Variants in GPC5 observed in about 807,000 individuals in gnomAD.
The protein encoded by GPC5 is glypican 5.
A neutral mutation model predicts 53.9 loss-of-function variants in GPC5; 47 were observed. That is an observed-to-expected ratio of 0.87 (90% CI 0.69 to 1.11). GPC5 has a LOEUF of 1.11. GPC5 is among the 50% of genes most tolerant of loss of function. The pLI is 0.00. For synonymous variants in GPC5, 286 were observed against 263.3 expected (o/e 1.09, Z -0.84); for missense variants, 748 against 713.1 (o/e 1.05, Z -0.56).
intron 7 of GPC5, among the ~76,000 whole-genome samples, chr13:92,440,710 C>T (rs1422435631): frequency 6.6e-6 from 1 of 152,146 alleles, no homozygotes; most frequent in Non-Finnish European, 1.5e-5. Context: ...AGTTTACATT[C>T]TCAGTATATA....
intron 7 of GPC5, among the ~76,000 whole-genome samples, chr13:92,517,711 A>T: frequency 6.6e-6 from 1 of 152,200 alleles, no homozygotes; most frequent in Non-Finnish European, 1.5e-5. Context: ...AAAGGTAGAT[A>T]AAACCACAAA....
intron 6 of GPC5, among the ~76,000 whole-genome samples, chr13:92,004,281 C>A (rs2040583172): frequency 6.6e-6 from 1 of 150,890 alleles, no homozygotes; most frequent in Non-Finnish European, 1.5e-5. Flanking sequence ...CCTGTCTCTA[C>A]TAAAAATACA....
At chr13:92,789,104 T>C (rs149341895) in intron 7 of GPC5, among the ~76,000 whole-genome samples, 83 of 152,288 alleles carry the variant, frequency 5.5e-4, no homozygotes, top group African/African-American at 1.7e-3. Context: ...ATGGCCCAAC[T>C]CCTGTACCTT....
chr13:92,186,549 TAGTA>T (rs1456443171), intron 7 of GPC5, among the ~76,000 whole-genome samples: 3 of 152,110 alleles, frequency 2.0e-5, no homozygotes, highest in Admixed American at 1.3e-4. Flanking sequence ...CACAAATGCT[TAGTA>T]AGGTTTTAAA....
At chr13:92,847,434 G>A (rs997181331) in intron 7 of GPC5, among the ~76,000 whole-genome samples, 7 of 151,998 alleles carry the variant, frequency 4.6e-5, no homozygotes, top group Non-Finnish European at 1.0e-4. Flanking sequence ...TTACATCATG[G>A]GGGTGGATTT....
intron 5 of GPC5, among the ~76,000 whole-genome samples, chr13:91,823,994 A>C (rs1048080173): frequency 6.6e-6 from 1 of 152,090 alleles, no homozygotes. Context: ...AATCGAGACC[A>C]TTCTTCAGGA....
At chr13:91,424,606 A>T (rs1443893974) in intron 1 of GPC5, among the ~76,000 whole-genome samples, 1 of 152,054 alleles carries the variant, frequency 6.6e-6, no homozygotes, top group Non-Finnish European at 1.5e-5. Flanking sequence ...ACCTCAGGTG[A>T]TCCACCCGCC....
intron 7 of GPC5, among the ~76,000 whole-genome samples, chr13:92,280,953 G>A (rs976065549): frequency 2.3e-4 from 35 of 152,294 alleles, no homozygotes; most frequent in African/African-American, 7.9e-4. Context: ...GCAAGGCATC[G>A]CCTCACCCAG....
chr13:92,208,153 A>G (rs551548852), intron 7 of GPC5, among the ~76,000 whole-genome samples: 15 of 152,196 alleles, frequency 9.9e-5, no homozygotes, highest in Non-Finnish European at 2.1e-4. Context: ...GGCCACCTCA[A>G]GCCAGTTCAA....
intron 6 of GPC5, among the ~76,000 whole-genome samples, chr13:92,071,012 C>A (rs528228628): frequency 6.6e-6 from 1 of 151,826 alleles, no homozygotes; most frequent in Non-Finnish European, 1.5e-5. Flanking sequence ...CTGAGGCGGG[C>A]GGATCACGAG....
rs981727452 is a variant in GPC5, at chr13:92,377,483, G to A, written c.1561+232494G>A. Reference sequence around the variant, plus strand: ...TAATATGGAAGTTATAACTAGAAAAGTTTAGTAATAATTTATTTTCAATTG... The same window carrying A: ...TAATATGGAAGTTATAACTAGAAAAATTTAGTAATAATTTATTTTCAATTG... On this transcript the variant is annotated intron_variant, in intron 7 of 7. Coordinates refer to ENST00000377067, the MANE Select transcript of GPC5 (RefSeq NM_004466.6). 7.2e-5 allele frequency among the ~76,000 whole-genome samples: 11 copies of A among 152,140 alleles called. 1 individual carries two copies. The highest frequency in any genetic ancestry group is 2.7e-4 in the African/African-American group (11 of 41,424).
At position 92,592,598 on chromosome 13, in the gene GPC5, T is replaced by C. The variant is rs184977317; in HGVS notation, c.1562-273684T>C. On this transcript the variant is annotated intron_variant, in intron 7 of 7. Coordinates refer to ENST00000377067, the MANE Select transcript of GPC5 (RefSeq NM_004466.6). ...AACAAATCTGTTGATTATCTGGAGA[T>C]GATAAGTGGCATGAAGAAAAATGAA... Among the ~76,000 whole-genome samples the C allele has an allele frequency of 1.3e-3, 200 of 151,390 alleles. 7 individuals carry two copies. The highest frequency in any genetic ancestry group is 2.5e-3 in the Non-Finnish European group (166 of 67,628).
At chr13:92,268,769 T>A (rs2042820271) in intron 7 of GPC5, among the ~76,000 whole-genome samples, 1 of 152,110 alleles carries the variant, frequency 6.6e-6, no homozygotes, top group Non-Finnish European at 1.5e-5. Context: ...CTAAACAGTA[T>A]CAGGTTAAAT....
intron 7 of GPC5, among the ~76,000 whole-genome samples, chr13:92,742,426 G>A (rs1889128178): frequency 6.6e-6 from 1 of 152,042 alleles, no homozygotes; most frequent in Admixed American, 6.6e-5. Flanking sequence ...ACTTTTTCAT[G>A]GGGTTGTTTG....
At chr13:91,881,388 T>C (rs992347327) in intron 5 of GPC5, among the ~76,000 whole-genome samples, 1 of 152,146 alleles carries the variant, frequency 6.6e-6, no homozygotes, top group Non-Finnish European at 1.5e-5. Context: ...TAATTATTAA[T>C]ATACACCCAA....
intron 5 of GPC5, among the ~76,000 whole-genome samples, chr13:91,877,250 A>G (rs932628693): frequency 6.6e-6 from 1 of 152,206 alleles, no homozygotes; most frequent in Non-Finnish European, 1.5e-5. Context: ...TGAAGCTGTG[A>G]GAAGAGGGCT....
intron 2 of GPC5, among the ~76,000 whole-genome samples, chr13:91,532,956 T>C (rs891614278): frequency 6.6e-6 from 1 of 152,192 alleles, no homozygotes; most frequent in African/African-American, 2.4e-5. Context: ...ATATTTTCAG[T>C]TCTCATTGTA....
chr13:91,649,649 G>A (rs2034647757), intron 2 of GPC5, among the ~76,000 whole-genome samples: 1 of 152,130 alleles, frequency 6.6e-6, no homozygotes, highest in African/African-American at 2.4e-5. Context: ...AGCATGTTAC[G>A]ATGCAGAGAA....
intron 7 of GPC5, among the ~76,000 whole-genome samples, chr13:92,249,142 C>T (rs2042674503): frequency 6.6e-6 from 1 of 152,070 alleles, no homozygotes; most frequent in Non-Finnish European, 1.5e-5. Flanking sequence ...GCAAGCATCA[C>T]TTCAAGCATT....
Sources: gnomAD v4.1 joint callset for allele counts (sites outside exome capture counted in the v4.1 genomes callset) on GRCh38, gnomAD v4.1.1 for gene constraint, MANE v1.5 for transcripts, NCBI Gene and HGNC (gene_info 2026-07-23, HGNC 2026-07-21) for gene names.